VAV3: variants seen among roughly 807,000 people sequenced by gnomAD.
VAV3 encodes vav guanine nucleotide exchange factor 3, also known as guanine nucleotide exchange factor VAV3.
VAV3 carries 94 observed loss-of-function variants against 131.2 expected under a neutral mutation model. That is an observed-to-expected ratio of 0.72 (90% CI 0.61 to 0.85). The LOEUF is 0.85. Ranked by LOEUF, VAV3 falls within the 40% of genes least tolerant of loss-of-function variation. VAV3 has a pLI of 0.00. For missense variants in VAV3, 939 were observed against 1,002.7 expected (o/e 0.94, Z 0.86); for synonymous variants, 349 against 342.0 (o/e 1.02, Z -0.22).
At chr1:107,622,337 A>C (rs1653670415) in intron 20 of VAV3, among the ~76,000 whole-genome samples, 1 of 152,220 alleles carries the variant, frequency 6.6e-6, no homozygotes, top group Non-Finnish European at 1.5e-5. Flanking sequence ...TGTACAGAGA[A>C]ATACATTAAG....
In VAV3 at chr1:107,672,722, T is replaced by C. The variant is rs548348597; in HGVS notation, c.1777+10766A>G. Among the ~76,000 whole-genome samples the C allele has an allele frequency of 2.7e-4, 41 of 152,254 alleles. 1 individual carries two copies. Among genetic ancestry groups the C allele is most frequent in the African/African-American group, 8.9e-4 (37 of 41,552 alleles). On this transcript the variant is annotated intron_variant, in intron 19 of 26. Coordinates refer to ENST00000370056, the MANE Select transcript of VAV3 (RefSeq NM_006113.5). ...GAATAGAAAGAGGGAGTAAGCATAA[T>C]AGATAATTCTCAGAAAAAAATACAC...
At chr1:107,862,094 A>C (rs1218255991) in intron 2 of VAV3, among the ~76,000 whole-genome samples, 1 of 151,620 alleles carries the variant, frequency 6.6e-6, no homozygotes, top group African/African-American at 2.4e-5. Context: ...AAACCAGAGA[A>C]AGGCCCATAT....
At chr1:107,693,230 C>G (rs1659540774) in intron 17 of VAV3, among the ~76,000 whole-genome samples, 1 of 152,130 alleles carries the variant, frequency 6.6e-6, no homozygotes, top group Non-Finnish European at 1.5e-5. Context: ...AAGAAGTCAA[C>G]TCAAGTTCAG....
At chr1:107,715,351 T>A (rs1459814474) in intron 15 of VAV3, among the ~76,000 whole-genome samples, 1 of 152,208 alleles carries the variant, frequency 6.6e-6, no homozygotes, top group African/African-American at 2.4e-5. Context: ...GTTATTGCTA[T>A]CATAAGTGAC....
At chr1:107,849,103 C>T (rs1053254001) in intron 2 of VAV3, among the ~76,000 whole-genome samples, 1 of 152,156 alleles carries the variant, frequency 6.6e-6, no homozygotes, top group African/African-American at 2.4e-5. Context: ...ACATCCCATG[C>T]TCATGGATAG....
At chr1:107,705,627 T>C (rs930212046) in intron 15 of VAV3, among the ~76,000 whole-genome samples, 1 of 152,176 alleles carries the variant, frequency 6.6e-6, no homozygotes, top group Admixed American at 6.5e-5. Context: ...AATTTTACCA[T>C]TTATTTTATA....
intron 2 of VAV3, among the ~76,000 whole-genome samples, chr1:107,844,797 C>A (rs905584265): frequency 6.6e-6 from 1 of 152,158 alleles, no homozygotes; most frequent in African/African-American, 2.4e-5. Flanking sequence ...GAAAGGCAGC[C>A]CCCAAAGTCA....
chr1:107,849,635 AG>A (rs200650424), intron 2 of VAV3, among the ~76,000 whole-genome samples: 4,757 of 152,304 alleles, frequency 0.031, 90 homozygotes, highest in East Asian at 0.07. Flanking sequence ...TAGAAAACCT[AG>A]GCAATACCAC....
intron 19 of VAV3, among the ~76,000 whole-genome samples, chr1:107,659,228 T>A (rs189416983): frequency 6.6e-6 from 1 of 152,206 alleles, no homozygotes; most frequent in East Asian, 1.9e-4. Context: ...TTTTAAGACC[T>A]GGAGGCTAAG....
intron 22 of VAV3, among the ~76,000 whole-genome samples, chr1:107,606,839 G>T (rs1371336247): frequency 4.7e-5 from 5 of 106,692 alleles, no homozygotes; most frequent in East Asian, 3.2e-4. Context: ...TAGTTCAAGG[G>T]TTTCCTCAAA....
intron 15 of VAV3, among the ~76,000 whole-genome samples, chr1:107,724,626 T>TG (rs1661716995): frequency 6.6e-6 from 1 of 152,074 alleles, no homozygotes; most frequent in South Asian, 2.1e-4. Context: ...CAGTATAGGA[T>TG]GGGGGGTGGC....
chr1:107,941,232 C>A (rs540852093), intron 1 of VAV3, among the ~76,000 whole-genome samples: 1 of 152,290 alleles, frequency 6.6e-6, no homozygotes, highest in South Asian at 2.1e-4. Context: ...AATTTCCTAT[C>A]TTCTACTTCT....
chr1:107,875,191 C>T (rs778479629), intron 1 of VAV3, among the ~76,000 whole-genome samples, 174 bp from the exon 2 acceptor site: 1 of 152,158 alleles, frequency 6.6e-6, no homozygotes, highest in Non-Finnish European at 1.5e-5. Flanking sequence ...CTCTCAGGCA[C>T]AGGTGATACA....
At chr1:107,580,992 T>A (rs1186347613) in intron 25 of VAV3, among the ~76,000 whole-genome samples, 2 of 152,078 alleles carry the variant, frequency 1.3e-5, no homozygotes, top group Non-Finnish European at 2.9e-5. Flanking sequence ...CCAGTAACAG[T>A]GACATTTAAA....
At chr1:107,893,157 A>G (rs1671391181) in intron 1 of VAV3, among the ~76,000 whole-genome samples, 1 of 152,204 alleles carries the variant, frequency 6.6e-6, no homozygotes, top group Admixed American at 6.5e-5. Flanking sequence ...TCTGTCACGA[A>G]CATTTTCATT....
At chr1:107,690,289 G>A (rs1002956882) in intron 17 of VAV3, among the ~76,000 whole-genome samples, 6 of 152,134 alleles carry the variant, frequency 3.9e-5, no homozygotes, top group Non-Finnish European at 8.8e-5. Context: ...CATGTTCCAT[G>A]AGGGTTCTCT....
At chr1:107,723,841 C>T (rs1028480382) in intron 15 of VAV3, among the ~76,000 whole-genome samples, 5 of 152,266 alleles carry the variant, frequency 3.3e-5, no homozygotes, top group African/African-American at 1.2e-4. Context: ...CAAAATGGAG[C>T]TGACATAAAG....
At position 107,633,494 on chromosome 1, in the gene VAV3, T is replaced by C. The variant is rs1324629286; in HGVS notation, c.1914+9125A>G. On this transcript the variant is annotated intron_variant, in intron 20 of 26. Coordinates refer to ENST00000370056, the MANE Select transcript of VAV3 (RefSeq NM_006113.5). ...TGGCTTTCAGTGCCCTTGGAACAGC[T>C]CACAAAACCATTTTATTCTTAGGGC... Among the ~76,000 whole-genome samples the C allele has an allele frequency of 2.0e-5, 3 of 152,286 alleles. No homozygotes were observed. The Middle Eastern group carries it at 0.01, about 518-fold the overall frequency.
At chr1:107,626,107 G>A (rs1173357458) in intron 20 of VAV3, among the ~76,000 whole-genome samples, 1 of 152,126 alleles carries the variant, frequency 6.6e-6, no homozygotes, top group African/African-American at 2.4e-5. Context: ...ACATTGCACT[G>A]TACCAAGTAT....
Sources: allele counts gnomAD v4.1 joint callset (sites outside exome capture counted in the v4.1 genomes callset), GRCh38; gene constraint gnomAD v4.1.1; transcripts MANE v1.5; gene names NCBI Gene and HGNC (gene_info 2026-07-23, HGNC 2026-07-21).